Variants in XIAP observed in about 807,000 individuals in gnomAD.
XIAP encodes the protein E3 ubiquitin-protein ligase XIAP.
A neutral mutation model predicts 33.1 loss-of-function variants in XIAP; 3 were observed. The ratio of observed to expected loss-of-function variants is 0.09; its 90% CI spans 0.04 to 0.23. The LOEUF is 0.23. Ranked by LOEUF, XIAP falls within the 10% of genes least tolerant of loss-of-function variation. XIAP has a pLI of 1.00. For missense variants in XIAP, 264 were observed against 363.0 expected (o/e 0.73, Z 2.22); for synonymous variants, 98 against 121.3 (o/e 0.81, Z 1.26).
intron 6 of XIAP, among the ~76,000 whole-genome samples, chrX:123,904,447 C>T (rs1335402860): frequency 9.1e-6 from 1 of 110,135 alleles, no homozygotes; most frequent in Non-Finnish European, 1.9e-5. Flanking sequence ...TATCTGTATA[C>T]CTAGTCCCAT....
rs60841987 is a variant in XIAP at position 123,912,348 on chromosome X, C to CA, written c.*5180dup. On this transcript the variant is annotated 3_prime_UTR_variant, in exon 7 of 7. Transcript: ENST00000371199. Reference sequence around the variant, plus strand: ...TAGCATTAAGGTTGGTGCAAAAATGCAAAAAAAAAAAAAGCAATTATTTTT... The same window carrying CA: ...TAGCATTAAGGTTGGTGCAAAAATGCAAAAAAAAAAAAAAGCAATTATTTTT... 22,186 of 267,482 alleles carry CA rather than the reference C, an allele frequency of 0.083. 521 individuals carry two copies. The highest frequency in any genetic ancestry group is 0.15 in the Admixed American group (3,768 of 24,476). 22.0% of individuals were successfully genotyped at this position (267,482 alleles called of 1,213,427 possible). A position where few individuals can be genotyped will look rare whatever the true frequency, so the allele number is the denominator to read the frequency against.
chrX:123,889,523 C>CT (rs202152660), intron 3 of XIAP, among the ~76,000 whole-genome samples: 19,564 of 99,008 alleles, frequency 0.2, 1,494 homozygotes, highest in South Asian at 0.37. Flanking sequence ...TATCCCATTT[C>CT]TTTTTTTTTT....
At chrX:123,872,745 C>T (rs2053206126) in intron 1 of XIAP, 1 of 111,587 alleles carries the variant, frequency 9.0e-6, no homozygotes, top group African/African-American at 3.3e-5. Context: ...CAGCCCTTCT[C>T]TTCTGCTGCT....
At chrX:123,899,305 A>G (rs1202793923) in intron 5 of XIAP, among the ~76,000 whole-genome samples, 2 of 99,817 alleles carry the variant, frequency 2.0e-5, no homozygotes, top group East Asian at 6.0e-4. Flanking sequence ...ATATATATAC[A>G]CACGCACACA....
intron 1 of XIAP, 67 bp downstream of exon 1, chrX:123,860,360 C>T (rs1288407752): frequency 6.3e-6 from 2 of 319,160 alleles, no homozygotes; most frequent in African/African-American, 5.4e-5. Flanking sequence ...TCCCTCCCCT[C>T]TTCTTTTCCC....
Position 123,911,841 on chromosome X carries a change from T to A in XIAP, c.*4660T>A, listed in dbSNP as rs1484298477. ...TACAGTTAACACAATGTGAATTTCT[T>A]CCTCAGCATAACAGAGTTATAGAAT... On this transcript the variant is annotated 3_prime_UTR_variant, in exon 7 of 7. Transcript: ENST00000371199. The A allele has an allele frequency of 3.0e-6, 1 of 328,017 alleles. No individual in the cohort carries two copies. The highest frequency in any genetic ancestry group is 2.7e-5 in the African/African-American group (1 of 37,718). The allele number at this position is 328,017 out of a possible 1,213,427, so 27.0% of individuals were successfully genotyped here.
At chrX:123,868,276 AGAGT>A (rs1350883281) in intron 1 of XIAP, among the ~76,000 whole-genome samples, 1 of 111,594 alleles carries the variant, frequency 9.0e-6, no homozygotes, top group African/African-American at 3.3e-5. Context: ...CTGAGTGACA[AGAGT>A]GAGGCCCTGT....
chrX:123,862,981 T>C (rs1320841625), intron 1 of XIAP, among the ~76,000 whole-genome samples: 6 of 109,914 alleles, frequency 5.5e-5, no homozygotes, highest in African/African-American at 2.0e-4. Flanking sequence ...CTAGCTACTT[T>C]GGGGAGCTGA....
At chrX:123,900,160 G>A (rs2053502811) in intron 5 of XIAP, among the ~76,000 whole-genome samples, 1 of 111,892 alleles carries the variant, frequency 8.9e-6, no homozygotes, top group Admixed American at 9.6e-5. Context: ...AAGTAACTTA[G>A]GTTAATTGTT....
chrX:123,868,601 G>A (rs944455258), intron 1 of XIAP, among the ~76,000 whole-genome samples: 2 of 110,324 alleles, frequency 1.8e-5, no homozygotes, highest in African/African-American at 3.3e-5. Flanking sequence ...ATGGTTGTGC[G>A]TGCACCTGTA....
chrX:123,896,718 T>C (rs2053464095), intron 5 of XIAP, among the ~76,000 whole-genome samples: 2 of 108,279 alleles, frequency 1.8e-5, no homozygotes, highest in Admixed American at 2.0e-4. Context: ...GTAGCTGTGA[T>C]TACAGGTGTG....
chrX:123,884,969 A>G (rs1198634722), intron 1 of XIAP, among the ~76,000 whole-genome samples: 1 of 109,708 alleles, frequency 9.1e-6, no homozygotes, highest in East Asian at 2.8e-4. Flanking sequence ...AACAGCAATT[A>G]AGGTTTGCAG....
At chrX:123,889,034 T>A (rs1251535076) in intron 3 of XIAP, among the ~76,000 whole-genome samples, 1 of 107,591 alleles carries the variant, frequency 9.3e-6, no homozygotes, top group Non-Finnish European at 1.9e-5. Flanking sequence ...TTCTTGTGCC[T>A]CAGTCTCCTG....
chrX:123,911,065 T>C lies in XIAP; in HGVS notation c.*3884T>C, dbSNP rs192665099. 3.1e-6 allele frequency: 1 copy of C among 326,876 alleles called. No homozygotes were observed. Among genetic ancestry groups the C allele is most frequent in the Non-Finnish European group, 5.9e-6 (1 of 169,585 alleles). 26.9% of individuals were successfully genotyped at this position (326,876 alleles called of 1,213,427 possible). A position where few individuals can be genotyped will look rare whatever the true frequency, so the allele number is the denominator to read the frequency against. Reference sequence around the variant, plus strand: ...CTGTAAATATGAACTCCCATCCTAATACCCTTTTACCTCTCTGTGGGTTTG... The same window carrying C: ...CTGTAAATATGAACTCCCATCCTAACACCCTTTTACCTCTCTGTGGGTTTG... On this transcript the variant is annotated 3_prime_UTR_variant, in exon 7 of 7. Transcript: ENST00000371199.
chrX:123,865,300 G>T (rs192415196), intron 1 of XIAP, among the ~76,000 whole-genome samples: 15 of 111,419 alleles, frequency 1.3e-4, no homozygotes, highest in African/African-American at 4.9e-4. Flanking sequence ...AGAGCCCTAC[G>T]TTGGGTACCA....
chrX:123,900,060 C>G (rs1406941210), intron 5 of XIAP, among the ~76,000 whole-genome samples: 1 of 111,981 alleles, frequency 8.9e-6, no homozygotes, highest in Admixed American at 9.6e-5. Flanking sequence ...AGGAAATTGA[C>G]ACATTCAAGG....
At chrX:123,883,526 C>T (rs1381933979) in intron 1 of XIAP, among the ~76,000 whole-genome samples, 5 of 78,245 alleles carry the variant, frequency 6.4e-5, no homozygotes, top group Non-Finnish European at 9.4e-5. Context: ...GACAGAGTTT[C>T]ACTCTTGTTG....
At chrX:123,904,585 T>C (rs56709057) in intron 6 of XIAP, among the ~76,000 whole-genome samples, 19,057 of 110,865 alleles carry the variant, frequency 0.17, 1,298 homozygotes, top group South Asian at 0.39. Context: ...TCTTATCTAC[T>C]CCTGGTGCTG....
intron 5 of XIAP, among the ~76,000 whole-genome samples, chrX:123,894,419 T>C (rs6649115): frequency 0.012 from 1,297 of 112,315 alleles, 16 homozygotes; most frequent in African/African-American, 0.039. Flanking sequence ...TAATTTAGAA[T>C]ATGTCTAGTG....
Sources: gnomAD v4.1 joint callset for allele counts (sites outside exome capture counted in the v4.1 genomes callset) on GRCh38, gnomAD v4.1.1 for gene constraint, MANE v1.5 for transcripts, NCBI Gene and HGNC (gene_info 2026-07-23, HGNC 2026-07-21) for gene names.